Variants in ZNF333 observed in about 807,000 individuals in gnomAD.
ZNF333 encodes zinc finger protein 333.
In ZNF333, 61 loss-of-function variants were observed where a neutral mutation model predicts 76.1. The ratio of observed to expected loss-of-function variants is 0.80; its 90% CI spans 0.65 to 0.99. ZNF333 has a LOEUF of 0.99. ZNF333 is among the 50% of genes least tolerant of loss of function. The pLI is 0.00. For missense variants in ZNF333, 717 were observed against 822.4 expected, an observed-to-expected ratio of 0.87 and a Z score of 1.57; for synonymous variants, 284 against 305.0, an observed-to-expected ratio of 0.93 and a Z score of 0.72.
chr19:14,716,761 C>A (rs2042442128), intron 9 of ZNF333, among the ~76,000 whole-genome samples: 1 of 152,204 alleles, frequency 6.6e-6, no homozygotes, highest in Non-Finnish European at 1.5e-5. Flanking sequence ...CAAAGGTATT[C>A]CTTAGCTAGG....
In ZNF333 at chr19:14,718,489, C is replaced by T. The variant is rs1248955800; in HGVS notation, c.1162C>T (p.His388Tyr). 1.2e-6 allele frequency: 2 copies of T among 1,614,106 alleles called. No homozygotes were observed. Among genetic ancestry groups the T allele is most frequent in the African/African-American group, 1.3e-5 (1 of 74,932 alleles). Residue 388 changes from histidine to tyrosine, a missense_variant, in exon 12 of 12, where the codon CAT becomes TAT. Transcript: ENST00000292530. ...SSDLIRHEKT[H>Y]TAEKCFDCQE... ...TGACCTTATCAGGCATGAGAAGACT[C>T]ATACTGCAGAGAAGTGCTTTGACTG... is the stretch of plus-strand genomic sequence containing the variant.
In ZNF333 at chr19:14,719,477, A is replaced by T. The variant is rs2042542579; in HGVS notation, c.*152A>T. The T allele has an allele frequency of 3.6e-6, 4 of 1,111,394 alleles. No homozygotes were observed. Among genetic ancestry groups the T allele is most frequent in the Non-Finnish European group, 3.7e-6 (3 of 814,084 alleles). The allele number at this position is 1,111,394 out of a possible 1,614,324, so 68.8% of individuals were successfully genotyped here. A position where few individuals can be genotyped will look rare whatever the true frequency, so the allele number is the denominator to read the frequency against. ...TCCATTATCGTTTATTCTTTGACCCATCTATTATTTGGAATTAGATTTTTC... is the reference window on the plus strand; with the variant it reads ...TCCATTATCGTTTATTCTTTGACCCTTCTATTATTTGGAATTAGATTTTTC... On this transcript the variant is annotated 3_prime_UTR_variant, in exon 12 of 12. Transcript: ENST00000292530.
intron 7 of ZNF333, chr19:14,709,345 G>GAAA (rs2042212069): frequency 6.6e-6 from 1 of 152,194 alleles, no homozygotes; most frequent in Non-Finnish European, 1.5e-5. Context: ...CCGCCCTACT[G>GAAA]ACATCATTTT....
rs114101013 is a variant in ZNF333, at chr19:14,698,998, C to A, written c.224-201C>A. Among the ~76,000 whole-genome samples the A allele has an allele frequency of 2.8e-3, 411 of 149,056 alleles. 3 individuals are homozygous for A. The highest frequency in any genetic ancestry group is 9.8e-3 in the African/African-American group (397 of 40,510). ...TTTTTGAAAGGAGTTTATTTTTTCC[C>A]AATTCATTTCAGACTGGAAATCTCA... On this transcript the variant is annotated intron_variant, in intron 4 of 11. Transcript: ENST00000292530.
chr19:14,701,876 A>G, intron 5 of ZNF333: 1 of 985,568 alleles, frequency 1.0e-6, no homozygotes, highest in Non-Finnish European at 1.2e-6. Context: ...CCCTGAAGAC[A>G]TCCAGCCCGT....
At chr19:14,710,232 G>T (rs2042236264) in intron 7 of ZNF333, among the ~76,000 whole-genome samples, 1 of 152,236 alleles carries the variant, frequency 6.6e-6, no homozygotes, top group Non-Finnish European at 1.5e-5. Flanking sequence ...GTGGTGCAAT[G>T]CACCTGTGGT....
chr19:14,716,023 T>C, intron 8 of ZNF333, 89 bp from the exon 9 acceptor site: 3 of 1,575,696 alleles, frequency 1.9e-6, no homozygotes, highest in Non-Finnish European at 1.7e-6. Flanking sequence ...GCCTGGGTTT[T>C]CCCTTCCCCA....
chr19:14,706,327 T>A, intron 6 of ZNF333: 1 of 384,502 alleles, frequency 2.6e-6, no homozygotes, highest in South Asian at 2.0e-5. Context: ...ACTGACTGCC[T>A]GCTCCGCATT....
chr19:14,693,989 A>G (rs1972969685), intron 2 of ZNF333, among the ~76,000 whole-genome samples: 1 of 151,090 alleles, frequency 6.6e-6, no homozygotes, highest in African/African-American at 2.4e-5. Context: ...CTAAAAAAAA[A>G]AAAAAAAAAA....
At chr19:14,694,877 A>C in intron 2 of ZNF333, 133 bp from the exon 3 acceptor site, 1 of 1,405,190 alleles carries the variant, frequency 7.1e-7, no homozygotes, top group Non-Finnish European at 9.8e-7. Context: ...AACATTATTT[A>C]CAAAAATAGG....
At position 14,720,213 on chromosome 19, in the gene ZNF333, C is replaced by T. The variant is rs1016395896; in HGVS notation, c.*888C>T. ...AAATAATAATAATAAAAAAAAGCTT[C>T]CATCTCCCAGCCCTTCTTGCAAGCA... On this transcript the variant is annotated 3_prime_UTR_variant, in exon 12 of 12. Transcript: ENST00000292530. The T allele has an allele frequency of 3.0e-6, 3 of 985,136 alleles. No homozygotes were observed. Among genetic ancestry groups the T allele is most frequent in the Non-Finnish European group, 3.6e-6 (3 of 829,738 alleles). 61.0% of individuals were successfully genotyped at this position (985,136 alleles called of 1,614,324 possible). A position where few individuals can be genotyped will look rare whatever the true frequency, so the allele number is the denominator to read the frequency against.
At chr19:14,733,698 C>G (rs1370232028) in exon 12 of ZNF333, 1 of 152,250 alleles carries the variant, frequency 6.6e-6, no homozygotes, top group East Asian at 1.9e-4. Context: ...CCAGCAGCCC[C>G]TCTCAGGTGT....
intron 1 of ZNF333, among the ~76,000 whole-genome samples, chr19:14,691,669 A>G (rs1972782654): frequency 7.5e-6 from 1 of 133,410 alleles, no homozygotes; most frequent in Non-Finnish European, 1.5e-5. Context: ...TTATGGTGTC[A>G]TATTGTCTTT....
chr19:14,691,780 A>G (rs1972795070), intron 1 of ZNF333, among the ~76,000 whole-genome samples: 1 of 150,368 alleles, frequency 6.7e-6, no homozygotes, highest in Non-Finnish European at 1.5e-5. Flanking sequence ...GGGTTCAAGC[A>G]ATTCTCGTGC....
At chr19:14,725,957 G>A (rs1239198820), downstream of ZNF333, among the ~76,000 whole-genome samples, 1 of 152,186 alleles carries the variant, frequency 6.6e-6, no homozygotes, top group Admixed American at 6.5e-5. Context: ...GGGGGTACGG[G>A]GGAATCCAAT....
Position 14,717,022 on chromosome 19 carries a change from G to C in ZNF333, c.756G>C (p.Leu252Phe). 1 of 1,612,322 alleles carries C rather than the reference G, an allele frequency of 6.2e-7. No homozygotes were observed. ...ATCAACTGTGCAAACCCAATGCGTT[G>C]TCTTATTTGGAAGAAAGAGGAGAGC... ...VADQLCKPNALSYLEERGEQW... is the reference protein window; with the variant it reads ...VADQLCKPNAFSYLEERGEQW... Residue 252 changes from leucine to phenylalanine, a missense_variant, in exon 10 of 12, where the codon TTG (leucine) becomes TTC (phenylalanine). Physicochemically the swap from Leu to Phe is conservative, Grantham distance 22 (BLOSUM62 0). Transcript: ENST00000292530.
chr19:14,689,943 T>C (rs570571986), upstream of ZNF333: 569 of 152,494 alleles, frequency 3.7e-3, 2 homozygotes, highest in Non-Finnish European at 6.4e-3. Context: ...GAATTTCTCC[T>C]TGGAGGCTAA....
intron 7 of ZNF333, among the ~76,000 whole-genome samples, chr19:14,710,096 G>C (rs1293459838): frequency 6.6e-6 from 1 of 152,150 alleles, no homozygotes; most frequent in Non-Finnish European, 1.5e-5. Context: ...GGGAGAAGTG[G>C]AGAGAGAGTG....
intron 7 of ZNF333, among the ~76,000 whole-genome samples, chr19:14,711,451 C>T (rs1483535011): frequency 6.6e-6 from 1 of 152,088 alleles, no homozygotes; most frequent in African/African-American, 2.4e-5. Context: ...GGGAGGACTT[C>T]TTGAGGCCAG....
Sources: gnomAD v4.1 joint callset for allele counts (sites outside exome capture counted in the v4.1 genomes callset) on GRCh38, gnomAD v4.1.1 for gene constraint, MANE v1.5 for transcripts, NCBI Gene and HGNC (gene_info 2026-07-23, HGNC 2026-07-21) for gene names.